Variants in GPC6 observed in about 807,000 individuals in gnomAD.
The protein encoded by GPC6 is glypican 6.
In GPC6, 14 loss-of-function variants were observed where a neutral mutation model predicts 55.2. The observed-to-expected ratio is 0.25, with a 90% confidence interval of 0.17 to 0.40. The LOEUF is 0.40. GPC6 is among the 10% of genes least tolerant of loss of function. GPC6 has a pLI of 1.00. For missense variants in GPC6, 641 were observed against 708.5 expected, an observed-to-expected ratio of 0.90 and a Z score of 1.08; for synonymous variants, 278 against 259.6, an observed-to-expected ratio of 1.07 and a Z score of -0.68.
At chr13:93,531,093 A>G (rs1055895341) in intron 1 of GPC6, among the ~76,000 whole-genome samples, 27 of 152,148 alleles carry the variant, frequency 1.8e-4, no homozygotes, top group African/African-American at 5.3e-4. Flanking sequence ...ATGGATAATC[A>G]TAGGCAGTCA....
Position 93,547,744 on chromosome 13 carries a change from A to G in GPC6, c.319+2323A>G, listed in dbSNP as rs531646304. The stretch of plus-strand genomic sequence containing the variant: ...AGTGGGAAAAAAAAAAAGAGAATCT[A>G]AATGTGATTCTAATAATCTCAACTC... On this transcript the variant is annotated intron_variant, in intron 2 of 8. Coordinates refer to ENST00000377047, the MANE Select transcript of GPC6 (RefSeq NM_005708.5). 4.6e-5 allele frequency among the ~76,000 whole-genome samples: 7 copies of G among 152,242 alleles called. No homozygotes were observed. In the East Asian group the frequency reaches 1.4e-3, roughly 29 times the overall value.
At chr13:94,246,068 G>A (rs1891187019) in intron 4 of GPC6, among the ~76,000 whole-genome samples, 2 of 152,018 alleles carry the variant, frequency 1.3e-5, no homozygotes, top group African/African-American at 2.4e-5. Context: ...CGGATATGAG[G>A]TGGTATCTCA....
intron 1 of GPC6, among the ~76,000 whole-genome samples, chr13:93,423,053 C>CG (rs201891000): frequency 8.2e-6 from 1 of 121,732 alleles, no homozygotes; most frequent in Non-Finnish European, 1.7e-5. Context: ...GGTCACACCC[C>CG]ACCAGCTCCC....
chr13:94,184,463 TA>T (rs1307368381), intron 4 of GPC6, among the ~76,000 whole-genome samples: 2 of 151,298 alleles, frequency 1.3e-5, no homozygotes, highest in South Asian at 2.1e-4. Context: ...ATAACCCCAT[TA>T]AAAAAATGGA....
At position 93,590,624 on chromosome 13, in the gene GPC6, ATACT is replaced by A. The variant is rs201872048; in HGVS notation, c.319+45208_319+45211del. On this transcript the variant is annotated intron_variant, in intron 2 of 8. Coordinates refer to ENST00000377047, the MANE Select transcript of GPC6 (RefSeq NM_005708.5). ...TTTTAAAAAAAGCATATTTATACTA[ATACT>A]TACTAAATATTTTCAAGAGATATGC... Among the ~76,000 whole-genome samples, 1,114 of 152,230 alleles carry A rather than the reference ATACT, an allele frequency of 7.3e-3. 5 individuals carry two copies. The highest frequency in any genetic ancestry group is 0.02 in the Middle Eastern group (6 of 294).
intron 4 of GPC6, among the ~76,000 whole-genome samples, chr13:94,075,299 C>T (rs1884870408): frequency 6.6e-6 from 1 of 152,158 alleles, no homozygotes; most frequent in African/African-American, 2.4e-5. Flanking sequence ...TTAATGAACA[C>T]ATTACCCTTG....
intron 1 of GPC6, among the ~76,000 whole-genome samples, chr13:93,375,215 T>C (rs1874834953): frequency 6.6e-6 from 1 of 152,206 alleles, no homozygotes; most frequent in South Asian, 2.1e-4. Flanking sequence ...GGTCTATTTT[T>C]GGAACTCATA....
Position 94,211,157 on chromosome 13 carries a change from GGTTTTGTTTTTT to G in GPC6, c.878-75181_878-75170del, listed in dbSNP as rs1365770381. Among the ~76,000 whole-genome samples the G allele has an allele frequency of 3.3e-5, 5 of 152,120 alleles. No individual in the cohort carries two copies. In the East Asian group the frequency reaches 7.7e-4, roughly 24 times the overall value. Reference sequence around the variant, plus strand: ...TCATGGGTTTGGGTTTTTGTTTTGGGGTTTTGTTTTTTGTTTTGTTTTGTTTTCTGCACAGCC... The same window carrying G: ...TCATGGGTTTGGGTTTTTGTTTTGGGGTTTTGTTTTGTTTTCTGCACAGCC... On this transcript the variant is annotated intron_variant, in intron 4 of 8. Coordinates refer to ENST00000377047, the MANE Select transcript of GPC6 (RefSeq NM_005708.5).
At chr13:93,712,554 A>G (rs1445835714) in intron 2 of GPC6, among the ~76,000 whole-genome samples, 1 of 151,740 alleles carries the variant, frequency 6.6e-6, no homozygotes, top group Non-Finnish European at 1.5e-5. Context: ...TCCTGTGTGA[A>G]CACCTTGAAT....
intron 2 of GPC6, among the ~76,000 whole-genome samples, chr13:93,704,404 C>G (rs1053818817): frequency 1.3e-5 from 2 of 151,894 alleles, no homozygotes; most frequent in Non-Finnish European, 2.9e-5. Context: ...TTGTCATGAA[C>G]TAAAATTGAG....
intron 4 of GPC6, among the ~76,000 whole-genome samples, chr13:94,109,922 A>G (rs1408176091): frequency 1.3e-5 from 2 of 152,054 alleles, no homozygotes; most frequent in Non-Finnish European, 2.9e-5. Context: ...CCTTAGTGTC[A>G]TTGTTACAGT....
intron 4 of GPC6, among the ~76,000 whole-genome samples, chr13:94,213,155 C>T (rs1890131364): frequency 1.3e-5 from 2 of 152,090 alleles, no homozygotes; most frequent in Non-Finnish European, 2.9e-5. Flanking sequence ...GACTGTGTCT[C>T]AAAAAACAAA....
chr13:94,376,725 A>G (rs1879877019), intron 6 of GPC6, among the ~76,000 whole-genome samples: 1 of 152,208 alleles, frequency 6.6e-6, no homozygotes, highest in Non-Finnish European at 1.5e-5. Flanking sequence ...GAACCAAAAA[A>G]GAGCCCGCAT....
chr13:93,693,616 C>G (rs1882343005), intron 2 of GPC6, among the ~76,000 whole-genome samples: 1 of 152,076 alleles, frequency 6.6e-6, no homozygotes, highest in African/African-American at 2.4e-5. Context: ...GCAGCTGGGA[C>G]TACGGGCATG....
At chr13:93,836,772 A>C (rs993491872) in intron 3 of GPC6, among the ~76,000 whole-genome samples, 16 of 152,294 alleles carry the variant, frequency 1.1e-4, no homozygotes, top group African/African-American at 3.8e-4. Context: ...TATTGGGACT[A>C]GGAACCATAA....
At chr13:93,591,468 GAA>G (rs60796601) in intron 2 of GPC6, among the ~76,000 whole-genome samples, 1,639 of 124,504 alleles carry the variant, frequency 0.013, 12 homozygotes, top group Non-Finnish European at 0.02. Context: ...CGTCTCAAAG[GAA>G]AAAAAAAAAA....
chr13:93,711,734 C>A (rs549321715), intron 2 of GPC6, among the ~76,000 whole-genome samples: 1 of 151,888 alleles, frequency 6.6e-6, no homozygotes, highest in African/African-American at 2.4e-5. Context: ...TGCCCCAGGG[C>A]ATTTCTGACA....
At chr13:93,902,763 A>G (rs1876430200) in intron 3 of GPC6, among the ~76,000 whole-genome samples, 1 of 152,018 alleles carries the variant, frequency 6.6e-6, no homozygotes, top group African/African-American at 2.4e-5. Context: ...TGTGGTTTTC[A>G]TTTGCATTTT....
At chr13:93,250,890 G>A (rs1876763727) in intron 1 of GPC6, among the ~76,000 whole-genome samples, 1 of 152,160 alleles carries the variant, frequency 6.6e-6, no homozygotes, top group South Asian at 2.1e-4. Flanking sequence ...AAAGAAAGAG[G>A]TTTAATGAAC....
Sources: gnomAD v4.1 joint callset for allele counts (sites outside exome capture counted in the v4.1 genomes callset) on GRCh38, gnomAD v4.1.1 for gene constraint, MANE v1.5 for transcripts, NCBI Gene and HGNC (gene_info 2026-07-23, HGNC 2026-07-21) for gene names.